Variants in KCMF1 observed in about 807,000 individuals in gnomAD.
The protein encoded by KCMF1 is potassium channel modulatory factor 1.
A neutral mutation model predicts 41.1 loss-of-function variants in KCMF1; 3 were observed. The observed-to-expected ratio is 0.07, with a 90% CI of 0.03 to 0.19. The LOEUF is 0.19. Among genes scored for constraint, KCMF1 ranks in the 10% least tolerant of loss-of-function variants. The pLI, the probability that KCMF1 is intolerant of heterozygous loss-of-function variation, is 1.00. For missense variants in KCMF1, 286 were observed against 488.9 expected (o/e 0.58, Z 3.91); for synonymous variants, 142 against 164.5 (o/e 0.86, Z 1.04).
chr2:85,022,886 CTTTTTTTT>C (rs34732141), intron 1 of KCMF1, among the ~76,000 whole-genome samples: 1 of 111,768 alleles, frequency 8.9e-6, no homozygotes, highest in Non-Finnish European at 1.7e-5. Context: ...TGTATGTATT[CTTTTTTTT>C]TTTTTTTTTT....
chr2:84,992,522 C>G (rs954427147), intron 1 of KCMF1, among the ~76,000 whole-genome samples: 3 of 152,278 alleles, frequency 2.0e-5, no homozygotes, highest in African/African-American at 7.2e-5. Context: ...CGTTTTGGCT[C>G]TTAGTAACCA....
intron 1 of KCMF1, among the ~76,000 whole-genome samples, chr2:85,008,235 T>A: frequency 9.6e-6 from 1 of 104,246 alleles, no homozygotes; most frequent in African/African-American, 3.7e-5. Context: ...CATCACATAT[T>A]ATATTATATA....
intron 1 of KCMF1, among the ~76,000 whole-genome samples, chr2:85,023,044 C>T (rs1005561556): frequency 1.2e-4 from 18 of 151,850 alleles, no homozygotes; most frequent in African/African-American, 4.4e-4. Flanking sequence ...GCCGCCATCA[C>T]GCCTGGCTAA....
At chr2:85,015,546 A>T (rs1674749574) in intron 1 of KCMF1, among the ~76,000 whole-genome samples, 1 of 152,016 alleles carries the variant, frequency 6.6e-6, no homozygotes, top group Non-Finnish European at 1.5e-5. Flanking sequence ...AAGAGTGTAG[A>T]TCAGTTCTTT....
intron 1 of KCMF1, among the ~76,000 whole-genome samples, chr2:84,985,039 C>T (rs1429028169): frequency 6.6e-6 from 1 of 150,628 alleles, no homozygotes; most frequent in Non-Finnish European, 1.5e-5. Context: ...TGAAGATGGA[C>T]ATTTAAGGAA....
intron 1 of KCMF1, among the ~76,000 whole-genome samples, chr2:85,015,523 T>C (rs1418346146): frequency 6.6e-6 from 1 of 152,224 alleles, no homozygotes; most frequent in African/African-American, 2.4e-5. Context: ...GATGCATTTC[T>C]ATGAACAAAT....
chr2:85,045,837 T>C (rs1403148591), intron 4 of KCMF1, among the ~76,000 whole-genome samples: 1 of 152,156 alleles, frequency 6.6e-6, no homozygotes, highest in Non-Finnish European at 1.5e-5. Flanking sequence ...ATAGGTGGTA[T>C]TTGAGATTTC....
intron 1 of KCMF1, among the ~76,000 whole-genome samples, chr2:85,014,767 T>A (rs1368738226): frequency 6.6e-6 from 1 of 150,804 alleles, no homozygotes; most frequent in East Asian, 1.9e-4. Context: ...AGAGATGAGG[T>A]CTTGCTATGT....
chr2:85,003,518 C>T (rs939883116), intron 1 of KCMF1, among the ~76,000 whole-genome samples: 3 of 151,650 alleles, frequency 2.0e-5, no homozygotes, highest in Admixed American at 6.6e-5. Flanking sequence ...CCGTTTGCCT[C>T]GCTTCAATCT....
intron 1 of KCMF1, among the ~76,000 whole-genome samples, chr2:84,972,914 A>G (rs1673442030): frequency 6.6e-6 from 1 of 152,202 alleles, no homozygotes; most frequent in Non-Finnish European, 1.5e-5. Context: ...TGAGGTACCT[A>G]GCCTCATTGA....
At chr2:84,971,697 C>T (rs1673398253) in intron 1 of KCMF1, among the ~76,000 whole-genome samples, 1 of 147,514 alleles carries the variant, frequency 6.8e-6, no homozygotes, top group African/African-American at 2.5e-5. Context: ...GCGGCCCGGG[C>T]GGCCGGAGGG....
At position 85,058,698 on chromosome 2, in the gene KCMF1, AGC is replaced by A. The variant is rs1675998129; in HGVS notation, c.*5290_*5291del. The A allele has an allele frequency of 6.6e-6, 1 of 152,226 alleles. No homozygotes were observed. The highest frequency in any genetic ancestry group is 1.5e-5 in the Non-Finnish European group (1 of 68,044). 9.4% of individuals were successfully genotyped at this position (152,226 alleles called of 1,614,324 possible). A position where few individuals can be genotyped will look rare whatever the true frequency, so the allele number is the denominator to read the frequency against. On this transcript the variant is annotated 3_prime_UTR_variant, in exon 7 of 7. Transcript: ENST00000409785. ...TTCCCCTGTAAGAATTTTCTAAAAG[AGC>A]CTTTCTCCCTTACACAATTGAAACG...
At chr2:84,981,243 G>A (rs190643880) in intron 1 of KCMF1, among the ~76,000 whole-genome samples, 3,024 of 150,440 alleles carry the variant, frequency 0.02, 111 homozygotes, top group African/African-American at 0.07. Flanking sequence ...AGGCTGGAGC[G>A]CAGTGGTGCA....
At chr2:85,002,807 G>GA (rs1399666322) in intron 1 of KCMF1, among the ~76,000 whole-genome samples, 5 of 151,846 alleles carry the variant, frequency 3.3e-5, no homozygotes, top group Admixed American at 2.0e-4. Flanking sequence ...AGCCCATTTT[G>GA]TCCTTTAGTA....
intron 1 of KCMF1, among the ~76,000 whole-genome samples, chr2:84,982,342 A>AGCAG (rs948786372): frequency 1.1e-4 from 16 of 143,392 alleles, no homozygotes; most frequent in Non-Finnish European, 1.8e-4. Flanking sequence ...GTTGAAGTAG[A>AGCAG]GCAGGCAGGG....
intron 1 of KCMF1, among the ~76,000 whole-genome samples, chr2:84,982,706 C>T (rs1673797467): frequency 6.6e-6 from 1 of 152,078 alleles, no homozygotes; most frequent in Non-Finnish European, 1.5e-5. Flanking sequence ...CCCTTCTTTT[C>T]TATGATATTG....
chr2:84,978,002 CA>C (rs1673592758), intron 1 of KCMF1, among the ~76,000 whole-genome samples: 1 of 150,372 alleles, frequency 6.7e-6, no homozygotes, highest in South Asian at 2.1e-4. Context: ...GTTTTAGCAG[CA>C]ATCTTTTTTT....
At chr2:85,025,130 A>C (rs1028267088) in intron 1 of KCMF1, among the ~76,000 whole-genome samples, 1 of 152,186 alleles carries the variant, frequency 6.6e-6, no homozygotes, top group Non-Finnish European at 1.5e-5. Context: ...CCCCACAAAA[A>C]AATTCTTTTT....
chr2:84,990,453 G>A (rs904922258), intron 1 of KCMF1, among the ~76,000 whole-genome samples: 1 of 152,100 alleles, frequency 6.6e-6, no homozygotes, highest in Non-Finnish European at 1.5e-5. Context: ...TGGGGGTTGG[G>A]GGGTGGAGTA....
Sources: allele counts gnomAD v4.1 joint callset (sites outside exome capture counted in the v4.1 genomes callset), GRCh38; gene constraint gnomAD v4.1.1; transcripts MANE v1.5; gene names NCBI Gene and HGNC (gene_info 2026-07-23, HGNC 2026-07-21).